The following LPGAT1 variants were observed in gnomAD, a reference collection of about 807,000 sequenced individuals.
LPGAT1 encodes lysophosphatidylglycerol acyltransferase 1.
Under a neutral mutation model 47.5 loss-of-function variants are expected in LPGAT1, and 11 were observed. The ratio of observed to expected loss-of-function variants is 0.23; its 90% CI spans 0.15 to 0.38. The LOEUF (loss-of-function observed/expected upper bound fraction) is 0.38. LPGAT1 is among the 10% of genes least tolerant of loss of function. The pLI is 1.00. For synonymous variants in LPGAT1, 138 were observed against 144.2 expected, an observed-to-expected ratio of 0.96 and a Z score of 0.31; for missense variants, 293 against 439.0, an observed-to-expected ratio of 0.67 and a Z score of 2.97.
intron 5 of LPGAT1, among the ~76,000 whole-genome samples, chr1:211,779,433 A>AAATAT (rs147867362): frequency 7.0e-4 from 106 of 152,202 alleles, no homozygotes; most frequent in Admixed American, 2.8e-3. Flanking sequence ...ATCATTCACT[A>AAATAT]AATATAATAT....
intron 6 of LPGAT1, among the ~76,000 whole-genome samples, chr1:211,767,452 T>C (rs1322260142): frequency 1.3e-5 from 2 of 151,982 alleles, no homozygotes; most frequent in African/African-American, 2.4e-5. Context: ...GTTTTATTAG[T>C]TTTTTTTGAA....
intron 6 of LPGAT1, among the ~76,000 whole-genome samples, chr1:211,774,214 A>G (rs2102523349): frequency 1.6e-5 from 2 of 127,574 alleles, no homozygotes; most frequent in Non-Finnish European, 3.1e-5. Flanking sequence ...GGCTCACCAC[A>G]ACCTCCATCT....
At chr1:211,810,247 C>G (rs1659919190) in intron 2 of LPGAT1, among the ~76,000 whole-genome samples, 1 of 152,108 alleles carries the variant, frequency 6.6e-6, no homozygotes, top group Admixed American at 6.5e-5. Context: ...CAGAGAGACA[C>G]AGGGTTCTAC....
chr1:211,775,727 G>A (rs1282589758), intron 6 of LPGAT1, among the ~76,000 whole-genome samples: 12 of 152,024 alleles, frequency 7.9e-5, no homozygotes, highest in African/African-American at 2.4e-4. Flanking sequence ...TCGGGAGTTC[G>A]AGACCAGCCT....
At chr1:211,781,791 C>G (rs1658654324) in intron 5 of LPGAT1, among the ~76,000 whole-genome samples, 1 of 152,170 alleles carries the variant, frequency 6.6e-6, no homozygotes, top group Non-Finnish European at 1.5e-5. Context: ...CAGACTTTCA[C>G]AGTAGTATCT....
intron 2 of LPGAT1, among the ~76,000 whole-genome samples, chr1:211,815,723 G>T (rs908794497): frequency 6.7e-6 from 1 of 150,020 alleles, no homozygotes; most frequent in African/African-American, 2.5e-5. Flanking sequence ...CTCCCTCCCT[G>T]CTGCAGCCAC....
chr1:211,759,203 T>A (rs1165738264), intron 6 of LPGAT1, among the ~76,000 whole-genome samples: 1 of 152,218 alleles, frequency 6.6e-6, no homozygotes, highest in African/African-American at 2.4e-5. Flanking sequence ...AAAACAAGCT[T>A]AGGAAGTATC....
rs892303765 is a variant in LPGAT1, at chr1:211,748,366, T to A, written c.*1533A>T. ...ATTTCTAAAAAATGTTTTCTAGAAATAGAAACTTGACTTTACCCTCTTCAA... is the reference window on the plus strand; with the variant it reads ...ATTTCTAAAAAATGTTTTCTAGAAAAAGAAACTTGACTTTACCCTCTTCAA... On this transcript the variant is annotated 3_prime_UTR_variant, in exon 8 of 8. Transcript: ENST00000366997. The A allele has an allele frequency of 1.3e-5, 2 of 152,216 alleles. No individual in the cohort carries two copies. The highest frequency in any genetic ancestry group is 4.8e-5 in the African/African-American group (2 of 41,454). The allele number at this position is 152,216 out of a possible 1,614,324, so 9.4% of individuals were successfully genotyped here.
At chr1:211,769,124 G>A (rs77216986) in intron 6 of LPGAT1, among the ~76,000 whole-genome samples, 4,329 of 152,264 alleles carry the variant, frequency 0.028, 100 homozygotes, top group Non-Finnish European at 0.046. Flanking sequence ...TGGATACTAT[G>A]TTGGAATTCT....
At chr1:211,801,193 C>A (rs1360058346) in intron 2 of LPGAT1, among the ~76,000 whole-genome samples, 1 of 152,176 alleles carries the variant, frequency 6.6e-6, no homozygotes, top group Non-Finnish European at 1.5e-5. Context: ...ACTCCCCATG[C>A]AAAAGTTACC....
At chr1:211,827,336 A>G (rs1328091895) in intron 2 of LPGAT1, among the ~76,000 whole-genome samples, 1 of 152,210 alleles carries the variant, frequency 6.6e-6, no homozygotes, top group South Asian at 2.1e-4. Context: ...ACCCCAAGAA[A>G]ATATGCTGAA....
chr1:211,761,807 C>T (rs941065702), intron 6 of LPGAT1, among the ~76,000 whole-genome samples: 4 of 152,184 alleles, frequency 2.6e-5, no homozygotes, highest in African/African-American at 9.7e-5. Context: ...GTTTCTAACA[C>T]GTGTGCTATA....
chr1:211,767,612 C>T lies in LPGAT1; in HGVS notation c.854+11306G>A, dbSNP rs139852868. The stretch of plus-strand genomic sequence containing the variant: ...GGTAGCTCTGAACAGTGACTGATGG[C>T]GAAAAACATACAGACTTCTCTAGGG... On this transcript the variant is annotated intron_variant, in intron 6 of 7. Coordinates refer to ENST00000366997, the MANE Select transcript of LPGAT1 (RefSeq NM_014873.3). 2.0e-3 allele frequency among the ~76,000 whole-genome samples: 309 copies of T among 151,758 alleles called. 1 individual carries two copies. Among genetic ancestry groups the T allele is most frequent in the African/African-American group, 7.0e-3 (291 of 41,354 alleles).
At chr1:211,750,102 C>A in intron 7 of LPGAT1, 52 bp from the exon 8 acceptor site, 1 of 1,525,324 alleles carries the variant, frequency 6.6e-7, no homozygotes, top group South Asian at 1.1e-5. Context: ...GGTAGGTCTC[C>A]TGGAATAAAA....
intron 2 of LPGAT1, among the ~76,000 whole-genome samples, chr1:211,815,981 C>A (rs1660160896): frequency 6.6e-6 from 1 of 151,762 alleles, no homozygotes; most frequent in Non-Finnish European, 1.5e-5. Flanking sequence ...CGGGGTTTCA[C>A]CGTGTTAGCC....
chr1:211,777,690 A>G (rs1319988841), intron 6 of LPGAT1, among the ~76,000 whole-genome samples: 1 of 152,220 alleles, frequency 6.6e-6, no homozygotes, highest in Non-Finnish European at 1.5e-5. Context: ...CATTCAGAAA[A>G]TCTTATGTGG....
Position 211,787,655 on chromosome 1 carries a change from G to T in LPGAT1, c.430C>A (p.His144Asn). 6.2e-7 allele frequency: 1 copy of T among 1,602,718 alleles called. No homozygotes were observed. The highest frequency in any genetic ancestry group is 1.1e-5 in the South Asian group (1 of 90,222). The change falls in exon 4 of 8, where the codon CAT (histidine) becomes AAT (asparagine). Residue 144 changes from histidine (H) to asparagine (N), a missense_variant. His to Asn is a moderately conservative substitution (Grantham distance 68, BLOSUM62 1). Transcript: ENST00000366997. ...ACCTGTCTTATAAAGAAGTCTCCATGAACTAGAGAAACAATTCCAAAGTTT... is the reference window on the plus strand; with the variant it reads ...ACCTGTCTTATAAAGAAGTCTCCATTAACTAGAGAAACAATTCCAAAGTTT... ...YTNFGIVSLV[H>N]GDFFIRQGRS...
intron 5 of LPGAT1, among the ~76,000 whole-genome samples, chr1:211,780,840 CTAGT>C (rs1216250525): frequency 2.6e-5 from 4 of 152,052 alleles, no homozygotes; most frequent in South Asian, 2.1e-4. Flanking sequence ...AAGAGATAAT[CTAGT>C]TAGTCAGCTC....
chr1:211,793,402 ATTATTTATTTAT>A (rs10597980), intron 2 of LPGAT1: 15,958 of 148,576 alleles, frequency 0.11, 1,044 homozygotes, highest in Admixed American at 0.17. Context: ...TAAAATTATC[ATTATTTATTTAT>A]TTATTTATTT....
Sources: gnomAD v4.1 joint callset for allele counts (sites outside exome capture counted in the v4.1 genomes callset) on GRCh38, gnomAD v4.1.1 for gene constraint, MANE v1.5 for transcripts, NCBI Gene and HGNC (gene_info 2026-07-23, HGNC 2026-07-21) for gene names.